The following OTOP1 variants were observed in gnomAD, a reference collection of about 807,000 sequenced individuals.
The protein encoded by OTOP1 is otopetrin 1, also known as proton channel OTOP1.
In OTOP1, 59 loss-of-function variants were observed where a neutral mutation model predicts 52.9. The observed-to-expected ratio is 1.12, with a 90% CI of 0.91 to 1.39. OTOP1 has a LOEUF of 1.39. Among genes scored for constraint, OTOP1 ranks in the 40% most tolerant of loss-of-function variants. The pLI is 0.00. For missense variants in OTOP1, 761 were observed against 800.9 expected (o/e 0.95, Z 0.60); for synonymous variants, 317 against 337.7 (o/e 0.94, Z 0.67).
At chr4:4,211,535 G>C (rs1448537449) in intron 2 of OTOP1, among the ~76,000 whole-genome samples, 10 of 152,328 alleles carry the variant, frequency 6.6e-5, no homozygotes, top group African/African-American at 2.4e-4. Flanking sequence ...GGCAGACACA[G>C]AAAGAAAAAT....
In OTOP1 at chr4:4,198,232, G is replaced by A. The variant is rs185022852; in HGVS notation, c.731-129C>T. On this transcript the variant is annotated intron_variant, in intron 4 of 5. Transcript: ENST00000296358. ...CCCACTGGATTATGAGCTTTATCAT[G>A]TCATAGCTTATTATCACGTTTAATA... is the stretch of plus-strand genomic sequence containing the variant. 1.7e-5 allele frequency: 12 copies of A among 719,550 alleles called. No individual in the cohort carries two copies. The Admixed American group carries it at 2.5e-4, about 15-fold the overall frequency. 44.6% of individuals were successfully genotyped at this position (719,550 alleles called of 1,614,324 possible).
chr4:4,223,909 A>AAAACAT (rs1233838424), intron 1 of OTOP1, among the ~76,000 whole-genome samples: 4 of 128,086 alleles, frequency 3.1e-5, no homozygotes, highest in Non-Finnish European at 7.5e-5. Context: ...AACAAAAACA[A>AAAACAT]AAACAGCAGG....
intron 1 of OTOP1, among the ~76,000 whole-genome samples, chr4:4,213,915 C>A (rs1173633319): frequency 6.6e-6 from 1 of 152,088 alleles, no homozygotes; most frequent in South Asian, 2.1e-4. Flanking sequence ...CGTGGTGAAA[C>A]CCGTCTCTAC....
rs555623120 is a variant in OTOP1, at chr4:4,190,126, C to T, written c.1669-1153G>A. 4.3e-4 allele frequency among the ~76,000 whole-genome samples: 65 copies of T among 152,286 alleles called. 1 individual carries two copies. In the South Asian group the frequency reaches 0.013, roughly 32 times the overall value. Reference sequence around the variant, plus strand: ...ACACTCCCTGGTATATACAGCCGACCTCTGTATCCAGGGACCTGCGGCTGT... The same window carrying T: ...ACACTCCCTGGTATATACAGCCGACTTCTGTATCCAGGGACCTGCGGCTGT... On this transcript the variant is annotated intron_variant, in intron 5 of 5. Transcript: ENST00000296358.
At chr4:4,199,766 A>C (rs1405347564) in intron 4 of OTOP1, among the ~76,000 whole-genome samples, 1 of 152,212 alleles carries the variant, frequency 6.6e-6, no homozygotes, top group Non-Finnish European at 1.5e-5. Context: ...AATGGAAAAA[A>C]GTAAGAACAA....
intron 1 of OTOP1, among the ~76,000 whole-genome samples, chr4:4,222,380 T>C (rs2108807094): frequency 6.6e-6 from 1 of 152,262 alleles, no homozygotes; most frequent in East Asian, 1.9e-4. Flanking sequence ...TTCTACCCTG[T>C]GACCTCCGCA....
intron 4 of OTOP1, among the ~76,000 whole-genome samples, chr4:4,199,001 G>A (rs1716715309): frequency 6.6e-6 from 1 of 152,106 alleles, no homozygotes; most frequent in Non-Finnish European, 1.5e-5. Context: ...GACCAGCCTG[G>A]CCAACATGGC....
chr4:4,196,706 C>T (rs867548143), intron 5 of OTOP1, among the ~76,000 whole-genome samples: 13 of 152,102 alleles, frequency 8.5e-5, no homozygotes, highest in African/African-American at 2.9e-4. Context: ...CCAGCCTGGG[C>T]AACAGGGCGC....
intron 4 of OTOP1, 26 bp downstream of exon 4, chr4:4,202,422 G>A (rs773596791): frequency 1.2e-6 from 2 of 1,612,330 alleles, no homozygotes; most frequent in East Asian, 4.5e-5. Flanking sequence ...ATGGCAGAAG[G>A]GCCACTCACC....
chr4:4,219,676 G>A (rs1265976076), intron 1 of OTOP1, among the ~76,000 whole-genome samples: 9 of 141,658 alleles, frequency 6.4e-5, no homozygotes, highest in South Asian at 2.4e-4. Context: ...CAGCCTGGGC[G>A]ACAGAGCGAG....
At chr4:4,189,920 A>G (rs1716465604) in intron 5 of OTOP1, among the ~76,000 whole-genome samples, 1 of 152,252 alleles carries the variant, frequency 6.6e-6, no homozygotes, top group South Asian at 2.1e-4. Flanking sequence ...CCCAGCCAAC[A>G]GTTTCAGCCT....
intron 2 of OTOP1, among the ~76,000 whole-genome samples, chr4:4,209,471 C>T (rs1378136814): frequency 1.3e-5 from 2 of 152,062 alleles, no homozygotes; most frequent in African/African-American, 4.8e-5. Context: ...GATCTCCAAC[C>T]CACCAACTAA....
At position 4,226,579 on chromosome 4, in the gene OTOP1, G is replaced by C; in HGVS notation, c.286C>G (p.Leu96Val). The change falls in exon 1 of 6, where the codon CTG becomes GTG. Residue 96 changes from leucine (L) to valine (V), a missense_variant. Leu to Val is a conservative substitution (Grantham distance 32). This residue lies in a region of OTOP1 where 56 missense variants were observed against 105.6 expected (regional missense o/e 0.53). Transcript: ENST00000296358. Reference sequence around the variant, plus strand: ...AGCTGCAGCAGCATGAGCGCCGTCAGGAAGCACAGCAGGTCGCTCTTGCTC... The same window carrying C: ...AGCTGCAGCAGCATGAGCGCCGTCACGAAGCACAGCAGGTCGCTCTTGCTC... ...GVSKSDLLCFLTALMLLQLLW... is the reference protein window; with the variant it reads ...GVSKSDLLCFVTALMLLQLLW... 1.2e-6 allele frequency: 2 copies of C among 1,605,084 alleles called. No individual in the cohort carries two copies. The highest frequency in any genetic ancestry group is 1.7e-6 in the Non-Finnish European group (2 of 1,178,548).
chr4:4,199,148 C>T (rs1716718659), intron 4 of OTOP1, among the ~76,000 whole-genome samples: 1 of 151,606 alleles, frequency 6.6e-6, no homozygotes, highest in Non-Finnish European at 1.5e-5. Context: ...GAGATCGTGC[C>T]ACTGCACTCC....
In OTOP1 at chr4:4,197,162, T is replaced by C; in HGVS notation, c.1668+4A>G. 1 of 1,594,592 alleles carries C rather than the reference T, an allele frequency of 6.3e-7. No homozygotes were observed. Among genetic ancestry groups the C allele is most frequent in the Non-Finnish European group, 8.6e-7 (1 of 1,168,814 alleles). Reference sequence around the variant, plus strand: ...AAGAATAAGAATAACTTGGTGCAGATTACCGAAATATTGCAGAGGAACAAG... The same window carrying C: ...AAGAATAAGAATAACTTGGTGCAGACTACCGAAATATTGCAGAGGAACAAG... On this transcript the variant is annotated splice_donor_region_variant and intron_variant, in intron 5 of 5. Coordinates refer to ENST00000296358, the MANE Select transcript of OTOP1 (RefSeq NM_177998.3).
At chr4:4,189,895 T>C (rs1486311247) in intron 5 of OTOP1, among the ~76,000 whole-genome samples, 1 of 152,192 alleles carries the variant, frequency 6.6e-6, no homozygotes, top group Non-Finnish European at 1.5e-5. Flanking sequence ...AGTCAAGCCT[T>C]GAAATGAATG....
intron 2 of OTOP1, among the ~76,000 whole-genome samples, chr4:4,209,287 A>T (rs1002852585): frequency 1.3e-5 from 2 of 151,980 alleles, no homozygotes; most frequent in Non-Finnish European, 1.5e-5. Flanking sequence ...TAAAATAAAT[A>T]CTCTGTTTTT....
At chr4:4,217,362 G>A (rs561978139) in intron 1 of OTOP1, among the ~76,000 whole-genome samples, 90 of 152,296 alleles carry the variant, frequency 5.9e-4, no homozygotes, top group Middle Eastern at 3.4e-3. Context: ...TTTTCTGTGC[G>A]GCCTGGGAAA....
chr4:4,224,898 T>C (rs979394381), intron 1 of OTOP1, among the ~76,000 whole-genome samples: 3 of 152,164 alleles, frequency 2.0e-5, no homozygotes, highest in Non-Finnish European at 4.4e-5. Flanking sequence ...GAAGGTGGCA[T>C]CTGGCCAGGA....
Sources: allele counts gnomAD v4.1 joint callset (sites outside exome capture counted in the v4.1 genomes callset), GRCh38; gene constraint gnomAD v4.1.1; regional missense constraint gnomAD v4.1.1; transcripts MANE v1.5; gene names NCBI Gene and HGNC (gene_info 2026-07-23, HGNC 2026-07-21).